SYT3: variants seen among roughly 807,000 people sequenced by gnomAD.
The protein encoded by SYT3 is synaptotagmin-3.
A neutral mutation model predicts 50.6 loss-of-function variants in SYT3; 25 were observed. That is an observed-to-expected ratio of 0.49 (90% CI 0.36 to 0.69). The LOEUF (loss-of-function observed/expected upper bound fraction) is 0.69, where lower values mean the gene tolerates loss of function less well. SYT3 is among the 30% of genes least tolerant of loss of function. The pLI, the probability that SYT3 is intolerant of heterozygous loss-of-function variation, is 0.00. For synonymous variants in SYT3, 323 were observed against 353.9 expected, an observed-to-expected ratio of 0.91 and a Z score of 0.98; for missense variants, 589 against 793.6, an observed-to-expected ratio of 0.74 and a Z score of 3.10.
chr19:50,629,849 C>T lies in SYT3; in HGVS notation c.997G>A (p.Gly333Ser), dbSNP rs147829151. The T allele has an allele frequency of 1.2e-5, 20 of 1,613,994 alleles. No individual in the cohort carries two copies. Among genetic ancestry groups the T allele is most frequent in the African/African-American group, 5.3e-5 (4 of 74,932 alleles). Residue 333 changes from glycine (G) to serine (S), a missense_variant, in exon 5 of 11, where the codon GGC (glycine) becomes AGC (serine). Around this residue, in one of 2 missense-constraint regions of SYT3, gnomAD observed 273 missense variants for 439.3 expected, o/e 0.62. Coordinates refer to ENST00000600079, the MANE Select transcript of SYT3 (RefSeq NM_001160329.2). ...ATCTTGACGTAGGGGTCTGAGAAGC[C>T]GTTGGAGTCCTTGGCAGGGAGGTCC... ...ALDLPAKDSN[G>S]FSDPYVKIYL...
the SYT3 span, among the ~76,000 whole-genome samples, chr19:50,650,846 G>C: frequency 0.011 from 1,695 of 152,274 alleles, 38 homozygotes; most frequent in African/African-American, 0.039. Flanking sequence ...GCTTTTGAAG[G>C]CATCTTTCTT....
intron 9 of SYT3, among the ~76,000 whole-genome samples, chr19:50,623,282 G>T (rs1469725324): frequency 1.3e-5 from 2 of 151,996 alleles, no homozygotes; most frequent in African/African-American, 4.8e-5. Context: ...GGAGGGAGTA[G>T]CCTCCATCCT....
At chr19:50,642,115 C>T (rs1384314620), upstream of SYT3, among the ~76,000 whole-genome samples, 1 of 152,162 alleles carries the variant, frequency 6.6e-6, no homozygotes, top group Non-Finnish European at 1.5e-5. Flanking sequence ...TTCTTGCATC[C>T]CCCCAGATGG....
chr19:50,625,747 AGGCCCC>A lies in SYT3; in HGVS notation c.1402+144_1402+149del. 1.2e-5 allele frequency: 12 copies of A among 1,027,476 alleles called. No individual in the cohort carries two copies. The highest frequency in any genetic ancestry group is 1.6e-5 in the South Asian group (1 of 62,032). 63.6% of individuals were successfully genotyped at this position (1,027,476 alleles called of 1,614,324 possible). On this transcript the variant is annotated intron_variant, in intron 7 of 10. Transcript: ENST00000600079. The surrounding 1 kb of genome is among the most constrained non-coding windows in gnomAD (Gnocchi z 7.5). ...CCTCCTCTCTCCGACCCAGGAGTCC[AGGCCCC>A]TGGCCCCTCCTCCCTCAGACCCAGG...
chr19:50,633,034 T>G (rs1359677401), intron 3 of SYT3, among the ~76,000 whole-genome samples: 1 of 152,172 alleles, frequency 6.6e-6, no homozygotes, highest in Non-Finnish European at 1.5e-5. Context: ...CAGGCTGGAG[T>G]GCAGTGGCAT....
At chr19:50,656,230 C>A in the SYT3 span, 1 of 1,536,116 alleles carries the variant, frequency 6.5e-7, no homozygotes, top group Non-Finnish European at 8.7e-7. Flanking sequence ...CCCTAGAAAG[C>A]AGTACCTGCG....
chr19:50,625,975 G>C lies in SYT3; in HGVS notation c.1324C>G (p.Leu442Val). 6.2e-7 allele frequency: 1 copy of C among 1,614,080 alleles called. No homozygotes were observed. Among genetic ancestry groups the C allele is most frequent in the Non-Finnish European group, 8.5e-7 (1 of 1,179,994 alleles). Reference sequence around the variant, plus strand: ...ACGGTGAGGCGCCCGGCCGTGGGGAGGTAGCAGAGTGAGAAGTTGAGCTCC... The same window carrying C: ...ACGGTGAGGCGCCCGGCCGTGGGGACGTAGCAGAGTGAGAAGTTGAGCTCC... ...LGELNFSLCYLPTAGRLTVTI... is the reference protein window; with the variant it reads ...LGELNFSLCYVPTAGRLTVTI... The change falls in exon 7 of 11, where the codon CTC becomes GTC. Residue 442 changes from leucine to valine, a missense_variant. Leu to Val is a conservative substitution (Grantham distance 32). Coordinates refer to ENST00000600079, the MANE Select transcript of SYT3 (RefSeq NM_001160329.2). The surrounding 1 kb of genome is among the most constrained non-coding windows in gnomAD (Gnocchi z 7.5).
chr19:50,655,855 G>A, the SYT3 span, among the ~76,000 whole-genome samples: 2 of 152,226 alleles, frequency 1.3e-5, no homozygotes, highest in Non-Finnish European at 2.9e-5. Context: ...GAGAAATGTG[G>A]TTAGTAGAGT....
chr19:50,644,065 GC>G (rs1356031622), upstream of SYT3, among the ~76,000 whole-genome samples: 5 of 152,240 alleles, frequency 3.3e-5, no homozygotes, highest in African/African-American at 1.2e-4. Flanking sequence ...AAGCACACAA[GC>G]CCCGTAGGAG....
At chr19:50,658,058 A>T in the SYT3 span, 11 of 1,535,880 alleles carry the variant, frequency 7.2e-6, no homozygotes, top group Non-Finnish European at 9.6e-6. Context: ...GGCCATGGAG[A>T]GCGGGCGCGT....
At chr19:50,629,214 A>C (rs1219408575) in intron 6 of SYT3, 80 bp downstream of exon 6, 2 of 1,134,588 alleles carry the variant, frequency 1.8e-6, no homozygotes, top group Non-Finnish European at 1.2e-6. Context: ...GGAAGTTATG[A>C]ACTCTGAGGG....
chr19:50,635,133 C>T (rs1427632942), intron 3 of SYT3, among the ~76,000 whole-genome samples: 1 of 151,956 alleles, frequency 6.6e-6, no homozygotes, highest in East Asian at 1.9e-4. Flanking sequence ...TGGTCTTGAT[C>T]TCCTGACCTT....
At position 50,629,486 on chromosome 19, in the gene SYT3, G is replaced by A; in HGVS notation, c.1089C>T (p.Val363=). 6.2e-7 allele frequency: 1 copy of A among 1,613,916 alleles called. No homozygotes were observed. Among genetic ancestry groups the A allele is most frequent in the Non-Finnish European group, 8.5e-7 (1 of 1,179,890 alleles). Residue 363 remains valine (V), a synonymous_variant, in exon 6 of 11, where the codon GTC becomes GTT. Coordinates refer to ENST00000600079, the MANE Select transcript of SYT3 (RefSeq NM_001160329.2). ...CCGAGAATTGAAACGTCTCATTGAA[G>A]ACGGGGTTCAGGGTCTTCCTGTGCA... ...TKVHRKTLNP[V]FNETFQFSVP... is the part of the protein sequence containing the mutation.
At position 50,632,553 on chromosome 19, in the gene SYT3, G is replaced by A. The variant is rs868648216; in HGVS notation, c.407C>T (p.Ala136Val). The A allele has an allele frequency of 1.9e-6, 3 of 1,599,576 alleles. No homozygotes were observed. In the African/African-American group the frequency reaches 4.0e-5, roughly 21 times the overall value. ...CTCAGCAAAGGGTGGATGGTGGGCGGCATGGGCATGGTGGTGTGGGCCGCC... is the reference window on the plus strand; with the variant it reads ...CTCAGCAAAGGGTGGATGGTGGGCGACATGGGCATGGTGGTGTGGGCCGCC... ...LLGGPHHHAH[A>V]AHHPPFAELL... is the part of the protein sequence containing the mutation. The change falls in exon 4 of 11, where the codon GCC (alanine) becomes GTC (valine). Residue 136 changes from alanine to valine, a missense_variant. Coordinates refer to ENST00000600079, the MANE Select transcript of SYT3 (RefSeq NM_001160329.2). This position sits in a 1 kb window ranked among gnomAD's most constrained non-coding sequence, Gnocchi z 4.7.
chr19:50,640,027 C>A (rs1984631970), upstream of SYT3, among the ~76,000 whole-genome samples: 1 of 152,196 alleles, frequency 6.6e-6, no homozygotes, highest in Admixed American at 6.5e-5. Flanking sequence ...GGTTTCCACA[C>A]TGGGGACCCA....
chr19:50,642,173 C>T (rs79664910), upstream of SYT3, among the ~76,000 whole-genome samples: 1,983 of 152,316 alleles, frequency 0.013, 41 homozygotes, highest in African/African-American at 0.045. Flanking sequence ...AACCTACAGA[C>T]CACGAGTGCA....
At chr19:50,650,120 C>G in the SYT3 span, among the ~76,000 whole-genome samples, 4 of 152,176 alleles carry the variant, frequency 2.6e-5, no homozygotes, top group Non-Finnish European at 5.9e-5. Flanking sequence ...AGAGGTCTCT[C>G]TGACTTCCTG....
At chr19:50,657,869 C>T in the SYT3 span, 1 of 1,313,046 alleles carries the variant, frequency 7.6e-7, no homozygotes, top group Non-Finnish European at 1.0e-6. Context: ...CGATCCTTGC[C>T]CCTCAAATGC....
Position 50,632,485 on chromosome 19 carries a change from G to A in SYT3, c.475C>T (p.Pro159Ser). ...GSLGGSDTPEPSYLDMDSYPE... is the reference protein window; with the variant it reads ...GSLGGSDTPESSYLDMDSYPE... Reference sequence around the variant, plus strand: ...TACGAGTCCATGTCCAAGTAGGAGGGCTCAGGGGTGTCAGAACCCCCCAGG... The same window carrying A: ...TACGAGTCCATGTCCAAGTAGGAGGACTCAGGGGTGTCAGAACCCCCCAGG... Residue 159 changes from proline to serine, a missense_variant, in exon 4 of 11, where the codon CCC becomes TCC. Physicochemically the swap from Pro to Ser is moderately conservative, Grantham distance 74. Coordinates refer to ENST00000600079, the MANE Select transcript of SYT3 (RefSeq NM_001160329.2). This position sits in a 1 kb window ranked among gnomAD's most constrained non-coding sequence, Gnocchi z 4.7. 6.2e-7 allele frequency: 1 copy of A among 1,612,896 alleles called. No individual in the cohort carries two copies. The highest frequency in any genetic ancestry group is 8.5e-7 in the Non-Finnish European group (1 of 1,179,744).
Sources: gnomAD v4.1 joint callset for allele counts (sites outside exome capture counted in the v4.1 genomes callset) on GRCh38, gnomAD v4.1.1 for gene constraint, gnomAD v4.1.1 regional missense constraint, Gnocchi (gnomAD v3.1) non-coding constraint, MANE v1.5 for transcripts, NCBI Gene and HGNC (gene_info 2026-07-23, HGNC 2026-07-21) for gene names.